Variants in SH3RF2 observed in about 807,000 individuals in gnomAD.
SH3RF2 encodes SH3 domain containing ring finger 2.
A neutral mutation model predicts 59.0 loss-of-function variants in SH3RF2; 43 were observed. That is an observed-to-expected ratio of 0.73 (90% CI 0.57 to 0.94). SH3RF2 has a LOEUF of 0.94. Ranked by LOEUF, SH3RF2 falls within the 40% of genes least tolerant of loss-of-function variation. SH3RF2 has a pLI of 0.00. For missense variants in SH3RF2, 930 were observed against 940.1 expected, an observed-to-expected ratio of 0.99 and a Z score of 0.14; for synonymous variants, 391 against 391.5, an observed-to-expected ratio of 1.00 and a Z score of 0.01.
At chr5:146,075,221 T>C (rs938755019) in intron 9 of SH3RF2, among the ~76,000 whole-genome samples, 2 of 152,216 alleles carry the variant, frequency 1.3e-5, no homozygotes, top group African/African-American at 2.4e-5. Flanking sequence ...AGAAATATCC[T>C]TCAGGAGGTC....
At chr5:146,065,597 T>A (rs2962527), downstream of SH3RF2, among the ~76,000 whole-genome samples, 150,025 of 152,322 alleles carry the variant, frequency 0.98, 73,923 homozygotes, top group Middle Eastern at 1. Context: ...TATTATCTCT[T>A]TGGGATAACC....
intron 2 of SH3RF2, among the ~76,000 whole-genome samples, chr5:145,970,271 C>A (rs1330328500): frequency 1.3e-5 from 2 of 152,016 alleles, no homozygotes; most frequent in East Asian, 3.9e-4. Context: ...CTTCACCTCC[C>A]CCTGCCACCC....
intron 2 of SH3RF2, among the ~76,000 whole-genome samples, chr5:145,952,414 C>A (rs1224093926): frequency 6.6e-6 from 1 of 151,902 alleles, no homozygotes; most frequent in Non-Finnish European, 1.5e-5. Flanking sequence ...GAAAAAAAAA[C>A]AACTTTTGTT....
intron 2 of SH3RF2, among the ~76,000 whole-genome samples, chr5:145,961,431 A>C (rs933391307): frequency 2.0e-5 from 3 of 152,144 alleles, no homozygotes; most frequent in African/African-American, 7.2e-5. Context: ...ATAATATTTC[A>C]GATATGAATA....
chr5:146,019,241 C>T (rs6872997), intron 5 of SH3RF2, among the ~76,000 whole-genome samples: 16 of 151,888 alleles, frequency 1.1e-4, no homozygotes, highest in South Asian at 4.1e-4. Context: ...TTATGGTTTC[C>T]GGTCTTAGAT....
At chr5:145,968,479 T>C (rs1210822024) in intron 2 of SH3RF2, among the ~76,000 whole-genome samples, 1 of 152,210 alleles carries the variant, frequency 6.6e-6, no homozygotes, top group African/African-American at 2.4e-5. Flanking sequence ...ATTATGTCTA[T>C]ATGTGTTTGT....
intron 2 of SH3RF2, among the ~76,000 whole-genome samples, chr5:145,948,325 A>G (rs548884242): frequency 3.9e-5 from 6 of 152,368 alleles, no homozygotes; most frequent in Admixed American, 2.0e-4. Context: ...CTAGGCATCA[A>G]CAGAAACCCA....
chr5:146,009,437 C>A (rs79528136), intron 4 of SH3RF2, among the ~76,000 whole-genome samples: 1,702 of 152,202 alleles, frequency 0.011, 33 homozygotes, highest in African/African-American at 0.039. Flanking sequence ...GAGCTCTTTC[C>A]CTCTTTAGGA....
At chr5:146,022,116 T>G (rs1401751344) in intron 5 of SH3RF2, among the ~76,000 whole-genome samples, 1 of 152,228 alleles carries the variant, frequency 6.6e-6, no homozygotes, top group Non-Finnish European at 1.5e-5. Flanking sequence ...TGAACCCTCA[T>G]GTACACATCA....
chr5:146,028,288 C>T (rs1761614627), intron 5 of SH3RF2, among the ~76,000 whole-genome samples: 1 of 151,628 alleles, frequency 6.6e-6, no homozygotes, highest in Non-Finnish European at 1.5e-5. Flanking sequence ...AGCAATGTAA[C>T]AGGGTAGCAT....
rs1409567526 is a variant in SH3RF2, at chr5:145,975,611, G to A, written c.379-24447G>A. ...CTGTGCACTTCTGTCCATCTTTCCA[G>A]AGTGGGAGATGAGCAAGAATATCTG... On this transcript the variant is annotated intron_variant, in intron 2 of 9. Coordinates refer to ENST00000359120, the MANE Select transcript of SH3RF2 (RefSeq NM_152550.4). 5.9e-5 allele frequency among the ~76,000 whole-genome samples: 9 copies of A among 152,328 alleles called. 1 individual carries two copies. In the East Asian group the frequency reaches 1.3e-3, roughly 23 times the overall value.
chr5:145,939,166 T>C (rs1237977491), intron 2 of SH3RF2, among the ~76,000 whole-genome samples: 1 of 152,238 alleles, frequency 6.6e-6, no homozygotes, highest in African/African-American at 2.4e-5. Context: ...GACATGGTCC[T>C]TGTGAGTCCA....
At chr5:146,045,566 G>A (rs1299379017) in intron 5 of SH3RF2, among the ~76,000 whole-genome samples, 2 of 152,112 alleles carry the variant, frequency 1.3e-5, no homozygotes, top group Non-Finnish European at 2.9e-5. Flanking sequence ...TCATATAAAT[G>A]GAATCAACTA....
At chr5:145,996,141 G>A (rs1028869089) in intron 2 of SH3RF2, among the ~76,000 whole-genome samples, 1 of 152,176 alleles carries the variant, frequency 6.6e-6, no homozygotes. Context: ...GTAATGTTGG[G>A]TCTTATCTCT....
intron 5 of SH3RF2, among the ~76,000 whole-genome samples, chr5:146,014,574 C>A (rs888562460): frequency 2.0e-5 from 3 of 151,924 alleles, no homozygotes; most frequent in Non-Finnish European, 2.9e-5. Flanking sequence ...GGACCCAGTC[C>A]AAAATGAAAA....
intron 5 of SH3RF2, among the ~76,000 whole-genome samples, chr5:146,042,040 T>C (rs1419913733): frequency 6.6e-6 from 1 of 152,214 alleles, no homozygotes; most frequent in East Asian, 1.9e-4. Flanking sequence ...TGTAGTGCCA[T>C]ACCAGCTCTA....
intron 5 of SH3RF2, chr5:146,042,938 G>C (rs1762178415): frequency 6.6e-6 from 1 of 152,308 alleles, no homozygotes; most frequent in African/African-American, 2.4e-5. Flanking sequence ...AGTTGGTGGA[G>C]AACCTCCCAT....
chr5:146,020,034 G>T (rs1761252774), intron 5 of SH3RF2, among the ~76,000 whole-genome samples: 1 of 152,072 alleles, frequency 6.6e-6, no homozygotes. Context: ...CTAGGTATAA[G>T]ATCATCAGCA....
At chr5:146,035,401 C>A (rs1411080403) in intron 5 of SH3RF2, among the ~76,000 whole-genome samples, 2 of 151,838 alleles carry the variant, frequency 1.3e-5, no homozygotes, top group Non-Finnish European at 2.9e-5. Flanking sequence ...CTTCACCAGC[C>A]ATCTCCCCTG....
Sources: gnomAD v4.1 joint callset for allele counts (sites outside exome capture counted in the v4.1 genomes callset) on GRCh38, gnomAD v4.1.1 for gene constraint, MANE v1.5 for transcripts, NCBI Gene and HGNC (gene_info 2026-07-23, HGNC 2026-07-21) for gene names.